AGAP3: variants seen among roughly 807,000 people sequenced by gnomAD.
AGAP3 encodes the protein ArfGAP with GTPase domain, ankyrin repeat and PH domain 3.
A neutral mutation model predicts 96.9 loss-of-function variants in AGAP3; 24 were observed. The observed-to-expected ratio is 0.25, with a 90% CI of 0.18 to 0.35. The LOEUF (loss-of-function observed/expected upper bound fraction) is 0.35. AGAP3 is among the 10% of genes least tolerant of loss of function. The pLI, the probability that AGAP3 is intolerant of heterozygous loss-of-function variation, is 1.00. For missense variants in AGAP3, 876 were observed against 1,254.2 expected, an observed-to-expected ratio of 0.70 and a Z score of 4.55; for synonymous variants, 563 against 536.1, an observed-to-expected ratio of 1.05 and a Z score of -0.69.
chr7:151,117,393 T>C lies in AGAP3; in HGVS notation c.501T>C (p.Ile167=), dbSNP rs993878869. 6.2e-7 allele frequency: 1 copy of C among 1,614,100 alleles called. No homozygotes were observed. Among genetic ancestry groups the C allele is most frequent in the Non-Finnish European group, 8.5e-7 (1 of 1,179,996 alleles). ...SPEGGRFKKE[I]VVDGQSYLLL... ...TAGGGGGGCGGTTTAAGAAGGAGATTGTGGTGGATGGCCAGAGTTACCTGC... is the reference window on the plus strand; with the variant it reads ...TAGGGGGGCGGTTTAAGAAGGAGATCGTGGTGGATGGCCAGAGTTACCTGC... The change falls in exon 4 of 18, where the codon ATT becomes ATC. Residue 167 remains isoleucine (I), a synonymous_variant. Coordinates refer to ENST00000397238, the MANE Select transcript of AGAP3 (RefSeq NM_031946.7).
chr7:151,138,244 T>C lies in AGAP3; in HGVS notation c.1597T>C (p.Cys533Arg), dbSNP rs749180748. ...PRPEGLHQRS[C>R]SVSSADQWSE... is the part of the protein sequence containing the mutation. ...CCCTGAGGGGCTGCACCAGCGCTCC[T>C]GCTCCGTTTCCAGCGCCGACCAGTG... The change falls in exon 12 of 18, where the codon TGC (cysteine) becomes CGC (arginine). Residue 533 changes from cysteine (C) to arginine (R), a missense_variant. Cys to Arg is a radical substitution (Grantham distance 180). Around this residue, in one of 8 missense-constraint regions of AGAP3, gnomAD observed 155 missense variants for 144.4 expected, o/e 1.07. Transcript: ENST00000397238. 1 of 1,612,850 alleles carries C rather than the reference T, an allele frequency of 6.2e-7. No homozygotes were observed. The highest frequency in any genetic ancestry group is 1.7e-5 in the Admixed American group (1 of 59,996).
chr7:151,098,272 T>C (rs1455408880), intron 1 of AGAP3, among the ~76,000 whole-genome samples: 1 of 152,104 alleles, frequency 6.6e-6, no homozygotes, highest in Non-Finnish European at 1.5e-5. Context: ...GGCAGGAGAA[T>C]TGCTTGAACC....
rs986847100 is a variant in AGAP3, at chr7:151,138,027, C to T, written c.1496-116C>T. The T allele has an allele frequency of 1.2e-5, 10 of 837,380 alleles. No individual in the cohort carries two copies. In the African/African-American group the frequency reaches 1.7e-4, roughly 14 times the overall value. 51.9% of individuals were successfully genotyped at this position (837,380 alleles called of 1,614,324 possible). ...GAAGCTGGCCCGCCACCTGATGAAC[C>T]CAGTGCCCTGCTGAATGTCTCAGGC... On this transcript the variant is annotated intron_variant, in intron 11 of 17. Transcript: ENST00000397238.
chr7:151,086,514 C>A lies in AGAP3; in HGVS notation c.-228C>A, dbSNP rs1456747506. 6.8e-6 allele frequency among the ~76,000 whole-genome samples: 1 copy of A among 147,814 alleles called. No homozygotes were observed. The highest frequency in any genetic ancestry group is 1.5e-5 in the Non-Finnish European group (1 of 66,234). On this transcript the variant is annotated 5_prime_UTR_variant, in exon 1 of 18. Coordinates refer to ENST00000397238, the MANE Select transcript of AGAP3 (RefSeq NM_031946.7). The stretch of plus-strand genomic sequence containing the variant: ...AGGCTGCTCCGAGGCAGCGGGATCA[C>A]GGCGCTGGGAAGCGCTCGGCAGCGG...
intron 8 of AGAP3, chr7:151,122,890 G>A: frequency 6.5e-7 from 1 of 1,540,382 alleles, no homozygotes; most frequent in Non-Finnish European, 8.7e-7. Context: ...CGGCCGCCGA[G>A]CTCCCCACTC....
At chr7:151,116,601 C>G in intron 1 of AGAP3, 192 bp from the exon 2 acceptor site, 2 of 636,596 alleles carry the variant, frequency 3.1e-6, no homozygotes, top group South Asian at 3.7e-5. Context: ...ACCATCCTTA[C>G]TCTGCTTCAC....
At chr7:151,130,611 CT>C (rs1485386283) in intron 10 of AGAP3, among the ~76,000 whole-genome samples, 3 of 152,148 alleles carry the variant, frequency 2.0e-5, no homozygotes, top group African/African-American at 7.2e-5. Flanking sequence ...CCATGCCGCA[CT>C]TGTTGCACTG....
Position 151,133,020 on chromosome 7 carries a change from C to T in AGAP3, c.1327-1380C>T, listed in dbSNP as rs1325501520. ...GTGCGGTAAAGGTGAAGGCCGGGCT[C>T]CTCAGGGTAGGAGGAGCGCGTCTGG... On this transcript the variant is annotated intron_variant, in intron 10 of 17. Coordinates refer to ENST00000397238, the MANE Select transcript of AGAP3 (RefSeq NM_031946.7). The surrounding 1 kb of genome is among the most constrained non-coding windows in gnomAD (Gnocchi z 5.4). 1.3e-5 allele frequency among the ~76,000 whole-genome samples: 2 copies of T among 152,180 alleles called. No individual in the cohort carries two copies. Among genetic ancestry groups the T allele is most frequent in the Non-Finnish European group, 2.9e-5 (2 of 68,024 alleles).
Position 151,120,080 on chromosome 7 carries a change from A to G in AGAP3, c.1063A>G (p.Ile355Val), listed in dbSNP as rs772484079. Residue 355 changes from isoleucine (I) to valine (V), a missense_variant, in exon 8 of 18, where the codon ATC (isoleucine) becomes GTC (valine). Coordinates refer to ENST00000397238, the MANE Select transcript of AGAP3 (RefSeq NM_031946.7). The part of the protein sequence containing the change: ...ISQRELRIET[I>V]AASSTPTPIR... ...CCAGCGGGAGCTGCGCATCGAGACC[A>G]TCGCTGCCTCCTCCACCCCCACACC... The G allele has an allele frequency of 2.5e-6, 4 of 1,613,794 alleles. No individual in the cohort carries two copies. Among genetic ancestry groups the G allele is most frequent in the Admixed American group, 1.7e-5 (1 of 59,994 alleles).
In AGAP3 at chr7:151,144,275, G is replaced by GAAAC. The variant is rs954592335; in HGVS notation, c.*334_*337dup. ...CCAGCCCCTCACACGCCTTCATCCT[G>GAAAC]AAACAGGAAGAGGACGGCACCAAGT... is the stretch of plus-strand genomic sequence containing the variant. On this transcript the variant is annotated 3_prime_UTR_variant, in exon 18 of 18. Coordinates refer to ENST00000397238, the MANE Select transcript of AGAP3 (RefSeq NM_031946.7). 4 of 347,810 alleles carry GAAAC rather than the reference G, an allele frequency of 1.2e-5. No homozygotes were observed. The highest frequency in any genetic ancestry group is 1.6e-5 in the Non-Finnish European group (3 of 189,016). The allele number at this position is 347,810 out of a possible 1,614,324, so 21.5% of individuals were successfully genotyped here.
chr7:151,087,100 C>T (rs1446033172), intron 1 of AGAP3, 28 bp downstream of exon 1: 1 of 1,568,242 alleles, frequency 6.4e-7, no homozygotes, highest in Non-Finnish European at 8.6e-7. Context: ...CTGCGGGAGC[C>T]GGGGCGCAGT....
intron 1 of AGAP3, among the ~76,000 whole-genome samples, chr7:151,091,308 T>C (rs979082059): frequency 6.6e-6 from 1 of 152,198 alleles, no homozygotes; most frequent in African/African-American, 2.4e-5. Context: ...AGGGACTGAG[T>C]GTCTCATGGG....
In AGAP3 at chr7:151,086,788, G is replaced by A; in HGVS notation, c.47G>A (p.Ser16Asn). Residue 16 changes from serine (S) to asparagine (N), a missense_variant, in exon 1 of 18, where the codon AGC becomes AAC. Transcript: ENST00000397238. ...GGGCAGAGCCCGCAGCAGCAGCAGAGCCTGGCGGCTCCGGGGGGCGGCGGC... is the reference window on the plus strand; with the variant it reads ...GGGCAGAGCCCGCAGCAGCAGCAGAACCTGGCGGCTCCGGGGGGCGGCGGC... Reference protein sequence around the residue: ...GGGQSPQQQQSLAAPGGGGAA... With the variant: ...GGGQSPQQQQNLAAPGGGGAA... 1.2e-6 allele frequency: 1 copy of A among 822,122 alleles called. No individual in the cohort carries two copies. The highest frequency in any genetic ancestry group is 1.5e-4 in the East Asian group (1 of 6,534). 50.9% of individuals were successfully genotyped at this position (822,122 alleles called of 1,614,324 possible). A position where few individuals can be genotyped will look rare whatever the true frequency, so the allele number is the denominator to read the frequency against.
In AGAP3 at chr7:151,142,671, G is replaced by C; in HGVS notation, c.2273+37G>C. 6.3e-7 allele frequency: 1 copy of C among 1,589,236 alleles called. No individual in the cohort carries two copies. The highest frequency in any genetic ancestry group is 8.6e-7 in the Non-Finnish European group (1 of 1,166,162). On this transcript the variant is annotated intron_variant, in intron 16 of 17. Transcript: ENST00000397238. This position sits in a 1 kb window ranked among gnomAD's most constrained non-coding sequence, Gnocchi z 7.5. Reference sequence around the variant, plus strand: ...GTGCCCTGGAGCTGGCCAGGAATGGGGGAAGCGTTGGGGGCTCCCAGCATG... The same window carrying C: ...GTGCCCTGGAGCTGGCCAGGAATGGCGGAAGCGTTGGGGGCTCCCAGCATG...
At chr7:151,120,536 C>T (rs911391078) in intron 8 of AGAP3, 3 of 970,378 alleles carry the variant, frequency 3.1e-6, no homozygotes, top group Admixed American at 2.3e-5. Context: ...AACCGGCGGC[C>T]GGAAGGCTGT....
chr7:151,099,230 C>A (rs1374095620), intron 1 of AGAP3, among the ~76,000 whole-genome samples: 1 of 151,362 alleles, frequency 6.6e-6, no homozygotes, highest in South Asian at 2.1e-4. Flanking sequence ...GTAGTCCCAG[C>A]TACTCGGGAG....
At chr7:151,109,165 T>TAAAAAAAA (rs112464213) in intron 1 of AGAP3, among the ~76,000 whole-genome samples, 4 of 136,246 alleles carry the variant, frequency 2.9e-5, no homozygotes, top group East Asian at 2.1e-4. Flanking sequence ...CCCACCTCTG[T>TAAAAAAAA]AAAAAAAAAA....
rs1432131046 is a variant in AGAP3 at position 151,108,036 on chromosome 7, G to A, written c.332-8757G>A. 6.6e-6 allele frequency among the ~76,000 whole-genome samples: 1 copy of A among 152,198 alleles called. No homozygotes were observed. Among genetic ancestry groups the A allele is most frequent in the African/African-American group, 2.4e-5 (1 of 41,444 alleles). Reference sequence around the variant, plus strand: ...GGGGGGTGCAGCACATGCTGGTCGCGTTCCTCTCCAGGGAGGAGCTGCTAG... The same window carrying A: ...GGGGGGTGCAGCACATGCTGGTCGCATTCCTCTCCAGGGAGGAGCTGCTAG... On this transcript the variant is annotated intron_variant, in intron 1 of 17. Transcript: ENST00000397238. This position sits in a 1 kb window ranked among gnomAD's most constrained non-coding sequence, Gnocchi z 4.2.
chr7:151,087,573 C>T (rs1237053971), intron 1 of AGAP3, among the ~76,000 whole-genome samples: 2 of 152,088 alleles, frequency 1.3e-5, no homozygotes, highest in Admixed American at 1.3e-4. Context: ...TACGCCGCGG[C>T]GGCCAAGCGG....
Sources: allele counts gnomAD v4.1 joint callset (sites outside exome capture counted in the v4.1 genomes callset), GRCh38; gene constraint gnomAD v4.1.1; regional missense constraint gnomAD v4.1.1; non-coding constraint Gnocchi (gnomAD v3.1); transcripts MANE v1.5; gene names NCBI Gene and HGNC (gene_info 2026-07-23, HGNC 2026-07-21).